The following STOX2 variants were observed in gnomAD, a reference collection of about 807,000 sequenced individuals.
STOX2 encodes storkhead-box protein 2.
A neutral mutation model predicts 60.9 loss-of-function variants in STOX2; 28 were observed. The ratio of observed to expected loss-of-function variants is 0.46; its 90% confidence interval spans 0.34 to 0.63. The LOEUF (loss-of-function observed/expected upper bound fraction) is 0.63. Ranked by LOEUF, STOX2 falls within the 30% of genes least tolerant of loss-of-function variation. The pLI is 0.01. For synonymous variants in STOX2, 472 were observed against 463.9 expected, an observed-to-expected ratio of 1.02 and a Z score of -0.22; for missense variants, 1,024 against 1,187.7, an observed-to-expected ratio of 0.86 and a Z score of 2.03.
intron 1 of STOX2, among the ~76,000 whole-genome samples, chr4:183,973,761 C>A (rs760656889): frequency 6.6e-6 from 1 of 152,248 alleles, no homozygotes; most frequent in South Asian, 2.1e-4. Flanking sequence ...TTTGGGAGGC[C>A]GAGGTGGGTG....
chr4:183,962,016 T>G (rs1383773091), intron 1 of STOX2, among the ~76,000 whole-genome samples: 1 of 152,242 alleles, frequency 6.6e-6, no homozygotes, highest in Non-Finnish European at 1.5e-5. Context: ...ATCCACCTGT[T>G]GATGAGACAG....
intron 1 of STOX2, among the ~76,000 whole-genome samples, chr4:183,839,743 A>T (rs918092217): frequency 2.0e-5 from 3 of 152,356 alleles, no homozygotes; most frequent in Middle Eastern, 3.4e-3. Context: ...TAATGGAAAG[A>T]ATTTGAAATA....
chr4:183,860,088 C>CTTT (rs34734140), intron 1 of STOX2, among the ~76,000 whole-genome samples: 2 of 149,432 alleles, frequency 1.3e-5, no homozygotes, highest in Admixed American at 1.3e-4. Context: ...AAATCATATT[C>CTTT]TTTTTTTTTT....
intron 1 of STOX2, among the ~76,000 whole-genome samples, chr4:183,946,679 G>A (rs1439086182): frequency 7.8e-6 from 1 of 128,678 alleles, no homozygotes; most frequent in Non-Finnish European, 1.7e-5. Context: ...AGGCTAGACT[G>A]CAGTGGTATG....
At position 184,010,174 on chromosome 4, in the gene STOX2, T is replaced by G; in HGVS notation, c.1336T>G (p.Leu446Val). Residue 446 changes from leucine (L) to valine (V), a missense_variant, in exon 3 of 4, where the codon TTG becomes GTG. Around this residue, in one of 3 missense-constraint regions of STOX2, gnomAD observed 922 missense variants for 1,058.3 expected, o/e 0.87. Transcript: ENST00000308497. The surrounding 1 kb of genome is among the most constrained non-coding windows in gnomAD (Gnocchi z 4.5). ...MTPEWDVSGE[L>V]AKRRTEMPFP... is the part of the protein sequence containing the mutation. ...ACCAGAATGGGATGTGTCTGGTGAA[T>G]TGGCTAAAAGGAGAACTGAGATGCC... 1 of 1,556,908 alleles carries G rather than the reference T, an allele frequency of 6.4e-7. No homozygotes were observed. The highest frequency in any genetic ancestry group is 8.7e-7 in the Non-Finnish European group (1 of 1,149,826).
intron 1 of STOX2, among the ~76,000 whole-genome samples, chr4:183,929,542 A>G (rs1427990170): frequency 6.6e-6 from 1 of 152,216 alleles, no homozygotes; most frequent in Non-Finnish European, 1.5e-5. Flanking sequence ...CAAACACCTT[A>G]AGTGAGACTG....
At chr4:183,932,793 G>A (rs1008424612) in intron 1 of STOX2, among the ~76,000 whole-genome samples, 15 of 152,142 alleles carry the variant, frequency 9.9e-5, no homozygotes, top group Non-Finnish European at 1.9e-4. Context: ...CTACAACAAC[G>A]TTGTCTCCCA....
chr4:183,822,590 G>A (rs573744051), intron 1 of STOX2, among the ~76,000 whole-genome samples: 19 of 152,314 alleles, frequency 1.2e-4, no homozygotes, highest in Admixed American at 1.1e-3. Context: ...TTCACAAAAG[G>A]GTTCACGCTC....
At chr4:183,937,812 A>G (rs1326307413) in intron 1 of STOX2, among the ~76,000 whole-genome samples, 1 of 152,202 alleles carries the variant, frequency 6.6e-6, no homozygotes, top group Non-Finnish European at 1.5e-5. Context: ...TTAAAGATGA[A>G]TTTTGAAAAT....
intron 1 of STOX2, among the ~76,000 whole-genome samples, chr4:183,845,142 T>C (rs1476347044): frequency 3.3e-5 from 5 of 152,074 alleles, no homozygotes; most frequent in African/African-American, 9.7e-5. Context: ...AAATACAAAA[T>C]AGACAGTAAT....
At chr4:183,896,049 G>A (rs1435442) in intron 1 of STOX2, among the ~76,000 whole-genome samples, 101,890 of 152,144 alleles carry the variant, frequency 0.67, 36,410 homozygotes, top group East Asian at 0.93. Context: ...GCAACAGGGC[G>A]GCTCCTAAGG....
chr4:183,890,267 G>A (rs373215105), intron 1 of STOX2, among the ~76,000 whole-genome samples: 1 of 152,004 alleles, frequency 6.6e-6, no homozygotes, highest in Non-Finnish European at 1.5e-5. Context: ...GGCAGATCAC[G>A]GGGTCAGGAG....
At chr4:184,013,248 G>A (rs1490417217) in intron 3 of STOX2, among the ~76,000 whole-genome samples, 1 of 152,182 alleles carries the variant, frequency 6.6e-6, no homozygotes, top group African/African-American at 2.4e-5. Flanking sequence ...TTGTTTGTTT[G>A]AAGGTAAACA....
Position 184,009,720 on chromosome 4 carries a change from G to A in STOX2, c.882G>A (p.Glu294=), listed in dbSNP as rs1734053823. The change falls in exon 3 of 4, where the codon GAG becomes GAA. Residue 294 remains glutamate, a synonymous_variant. Transcript: ENST00000308497. The surrounding 1 kb of genome is among the most constrained non-coding windows in gnomAD (Gnocchi z 4.0). ...ANFSAQFPPE[E]WPLRDEDTPA... ...TTTCTGCCCAGTTTCCTCCTGAAGA[G>A]TGGCCCCTGCGAGACGAGGACACGC... 3 of 1,613,718 alleles carry A rather than the reference G, an allele frequency of 1.9e-6. No homozygotes were observed. Among genetic ancestry groups the A allele is most frequent in the Middle Eastern group, 1.6e-4 (1 of 6,084 alleles).
intron 1 of STOX2, among the ~76,000 whole-genome samples, chr4:183,867,228 C>T (rs1052085298): frequency 2.6e-5 from 4 of 152,234 alleles, no homozygotes; most frequent in Admixed American, 1.3e-4. Flanking sequence ...TCTACATCTC[C>T]ATTTGCCGCT....
chr4:183,800,915 G>A lies in STOX2; in HGVS notation c.364+2860G>A, dbSNP rs367985700. The stretch of plus-strand genomic sequence containing the variant: ...CAGAGCAGAGAGGCTCACAGGCGGG[G>A]CGAGACAGGCAAGCCCCGGTGCTTT... On this transcript the variant is annotated intron_variant, in intron 1 of 2. Coordinates refer to the STOX2 transcript ENST00000513034. 2.2e-4 allele frequency among the ~76,000 whole-genome samples: 33 copies of A among 152,328 alleles called. 1 individual carries two copies. In the East Asian group the frequency reaches 5.8e-3, roughly 27 times the overall value.
At chr4:183,881,810 G>A (rs556349863) in intron 1 of STOX2, among the ~76,000 whole-genome samples, 5 of 152,270 alleles carry the variant, frequency 3.3e-5, no homozygotes, top group South Asian at 2.1e-4. Flanking sequence ...TGTGGCATGC[G>A]TGCCATCATC....
At chr4:183,916,647 C>A (rs1287095175) in intron 1 of STOX2, among the ~76,000 whole-genome samples, 1 of 152,134 alleles carries the variant, frequency 6.6e-6, no homozygotes, top group Non-Finnish European at 1.5e-5. Flanking sequence ...TTAAAAGAGC[C>A]AGCATGGGTA....
At chr4:183,895,955 T>A (rs941940068) in intron 1 of STOX2, among the ~76,000 whole-genome samples, 1 of 152,176 alleles carries the variant, frequency 6.6e-6, no homozygotes, top group Non-Finnish European at 1.5e-5. Context: ...GGAAAGTCTT[T>A]CAGAGAACTG....
Sources: gnomAD v4.1 joint callset for allele counts (sites outside exome capture counted in the v4.1 genomes callset) on GRCh38, gnomAD v4.1.1 for gene constraint, gnomAD v4.1.1 regional missense constraint, Gnocchi (gnomAD v3.1) non-coding constraint, MANE v1.5 for transcripts, NCBI Gene and HGNC (gene_info 2026-07-23, HGNC 2026-07-21) for gene names.